ST3GAL3: variants seen among roughly 807,000 people sequenced by gnomAD.
ST3GAL3 encodes CMP-N-acetylneuraminate-beta-1,4-galactoside alpha-2,3-sialyltransferase.
A neutral mutation model predicts 50.1 loss-of-function variants in ST3GAL3; 21 were observed. That is an observed-to-expected ratio of 0.42 (90% CI 0.30 to 0.60). ST3GAL3 has a LOEUF of 0.60. Among genes scored for constraint, ST3GAL3 ranks in the 20% least tolerant of loss-of-function variants. The pLI is 0.19. For synonymous variants in ST3GAL3, 183 were observed against 190.0 expected (o/e 0.96, Z 0.30); for missense variants, 353 against 489.4 (o/e 0.72, Z 2.63).
intron 3 of ST3GAL3, among the ~76,000 whole-genome samples, chr1:43,798,616 C>T (rs1464368989): frequency 1.3e-5 from 2 of 152,180 alleles, no homozygotes; most frequent in Non-Finnish European, 1.5e-5. Flanking sequence ...CTGTCACCTC[C>T]GCCAGAAGGT....
chr1:43,901,952 A>G (rs1242935575), intron 9 of ST3GAL3, among the ~76,000 whole-genome samples: 2 of 152,168 alleles, frequency 1.3e-5, no homozygotes, highest in African/African-American at 4.8e-5. Flanking sequence ...CACCTCTCCC[A>G]TCTCTCAGAG....
At chr1:43,757,500 C>A (rs1341485713) in intron 2 of ST3GAL3, among the ~76,000 whole-genome samples, 1 of 152,078 alleles carries the variant, frequency 6.6e-6, no homozygotes, top group Non-Finnish European at 1.5e-5. Context: ...CAGAAATAGA[C>A]CCACACATAT....
chr1:43,818,126 T>C (rs941402579), intron 4 of ST3GAL3, among the ~76,000 whole-genome samples: 1 of 152,202 alleles, frequency 6.6e-6, no homozygotes, highest in Non-Finnish European at 1.5e-5. Flanking sequence ...CCACTCTCTC[T>C]CTACGCCTCT....
In ST3GAL3 at chr1:43,824,609, T is replaced by C; in HGVS notation, c.209+9676T>C. 3.5e-6 allele frequency: 4 copies of C among 1,151,982 alleles called. No homozygotes were observed. In the South Asian group the frequency reaches 5.0e-5, roughly 14 times the overall value. The allele number at this position is 1,151,982 out of a possible 1,614,324, so 71.4% of individuals were successfully genotyped here. On this transcript the variant is annotated intron_variant, in intron 4 of 11. Coordinates refer to ENST00000347631, the MANE Select transcript of ST3GAL3 (RefSeq NM_006279.5). ...AACAGGAGAGCATAGCATTGCAGGA[T>C]TTGGCTAGGTTCTTTGCTTCATGAC...
intron 5 of ST3GAL3, chr1:43,879,557 G>T: frequency 2.7e-6 from 1 of 375,780 alleles, no homozygotes; most frequent in Non-Finnish European, 5.3e-6. Flanking sequence ...AACAGGACTT[G>T]CTGATGAATT....
At chr1:43,766,646 G>A (rs1022904186) in intron 2 of ST3GAL3, among the ~76,000 whole-genome samples, 2 of 152,104 alleles carry the variant, frequency 1.3e-5, no homozygotes, top group Admixed American at 6.5e-5. Flanking sequence ...GGGCAGAGTC[G>A]ATGACAGAAG....
At chr1:43,810,985 C>T (rs2060492412) in intron 3 of ST3GAL3, among the ~76,000 whole-genome samples, 1 of 152,142 alleles carries the variant, frequency 6.6e-6, no homozygotes. Flanking sequence ...AATCCATTTG[C>T]ACTAACTTCC....
chr1:43,844,265 C>T (rs567792169), intron 5 of ST3GAL3, among the ~76,000 whole-genome samples: 1 of 152,288 alleles, frequency 6.6e-6, no homozygotes, highest in African/African-American at 2.4e-5. Context: ...AATCAACCTT[C>T]AGCCCTTTTC....
At chr1:43,785,186 C>T (rs2057147640) in intron 2 of ST3GAL3, among the ~76,000 whole-genome samples, 2 of 152,200 alleles carry the variant, frequency 1.3e-5, no homozygotes, top group Admixed American at 6.5e-5. Flanking sequence ...GCGACGTGAA[C>T]ATTGAGGTAT....
chr1:43,812,272 C>T (rs755694012), intron 3 of ST3GAL3, among the ~76,000 whole-genome samples: 2 of 152,124 alleles, frequency 1.3e-5, no homozygotes, highest in Middle Eastern at 3.2e-3. Flanking sequence ...TGTGGTAATG[C>T]GGGGCCTGCG....
chr1:43,886,010 G>C (rs1016415071), intron 5 of ST3GAL3, among the ~76,000 whole-genome samples: 2 of 152,220 alleles, frequency 1.3e-5, no homozygotes, highest in African/African-American at 4.8e-5. Flanking sequence ...ATGACACTCT[G>C]GGGTGATTGT....
intron 1 of ST3GAL3, among the ~76,000 whole-genome samples, chr1:43,728,478 C>T (rs912765331): frequency 6.6e-6 from 1 of 152,130 alleles, no homozygotes; most frequent in African/African-American, 2.4e-5. Flanking sequence ...GGCACAGTGG[C>T]GCACGCCTGT....
At chr1:43,865,514 T>C (rs1455219633) in intron 5 of ST3GAL3, among the ~76,000 whole-genome samples, 2 of 152,192 alleles carry the variant, frequency 1.3e-5, no homozygotes, top group African/African-American at 4.8e-5. Flanking sequence ...TTTCCATATA[T>C]TTGGCACCAT....
At chr1:43,712,831 T>A (rs1351754638) in intron 1 of ST3GAL3, among the ~76,000 whole-genome samples, 1 of 152,164 alleles carries the variant, frequency 6.6e-6, no homozygotes, top group Non-Finnish European at 1.5e-5. Context: ...GTATGGAGCC[T>A]GTTGGGGGAG....
rs1200093486 is a variant in ST3GAL3 at position 43,771,203 on chromosome 1, CTG to C, written c.119-20898_119-20897del. ...ATGCTTATTGACATGTAAATGAAAA[CTG>C]AATGTATTTTATATTCAAATTGAGT... On this transcript the variant is annotated intron_variant, in intron 2 of 11. Coordinates refer to ENST00000347631, the MANE Select transcript of ST3GAL3 (RefSeq NM_006279.5). 2.0e-5 allele frequency among the ~76,000 whole-genome samples: 3 copies of C among 152,236 alleles called. No homozygotes were observed. In the East Asian group the frequency reaches 5.8e-4, roughly 29 times the overall value.
chr1:43,906,521 TGCTCCTCTTCCTGCCACTCTTCCTC>T, intron 9 of ST3GAL3, among the ~76,000 whole-genome samples: 1 of 139,354 alleles, frequency 7.2e-6, no homozygotes, highest in Non-Finnish European at 1.6e-5. Context: ...CTCCTCCTCC[TGCTCCTCTTCCTGCCACTCTTCCTC>T]CTGTTCCTCT....
At chr1:43,817,401 T>C (rs992820939) in intron 4 of ST3GAL3, among the ~76,000 whole-genome samples, 11 of 20,392 alleles carry the variant, frequency 5.4e-4, no homozygotes, top group East Asian at 1.9e-3. Context: ...TCCTCCTTTT[T>C]CTCCTTCTTC....
chr1:43,767,700 G>A (rs371052216), intron 2 of ST3GAL3, among the ~76,000 whole-genome samples: 299 of 151,484 alleles, frequency 2.0e-3, no homozygotes, highest in Non-Finnish European at 3.1e-3. Flanking sequence ...GGGAAGGATA[G>A]CATTAGGAGA....
chr1:43,890,127 A>T (rs931021015), intron 5 of ST3GAL3, among the ~76,000 whole-genome samples: 1 of 152,222 alleles, frequency 6.6e-6, no homozygotes, highest in African/African-American at 2.4e-5. Context: ...AAAAAAAATT[A>T]TAGTTAAAAT....
Sources: gnomAD v4.1 joint callset for allele counts (sites outside exome capture counted in the v4.1 genomes callset) on GRCh38, gnomAD v4.1.1 for gene constraint, MANE v1.5 for transcripts, NCBI Gene and HGNC (gene_info 2026-07-23, HGNC 2026-07-21) for gene names.